The following CNNM2 variants were observed in gnomAD, a reference collection of about 807,000 sequenced individuals.
CNNM2 encodes the protein cyclin and CBS domain divalent metal cation transport mediator 2, also known as metal transporter CNNM2.
A neutral mutation model predicts 66.9 loss-of-function variants in CNNM2; 12 were observed. The ratio of observed to expected loss-of-function variants is 0.18; its 90% CI spans 0.11 to 0.29. The LOEUF (loss-of-function observed/expected upper bound fraction) is 0.29, where lower values mean the gene tolerates loss of function less well. Among genes scored for constraint, CNNM2 ranks in the 10% least tolerant of loss-of-function variants. The pLI is 1.00. For synonymous variants in CNNM2, 557 were observed against 501.8 expected, an observed-to-expected ratio of 1.11 and a Z score of -1.47; for missense variants, 705 against 1,167.7, an observed-to-expected ratio of 0.60 and a Z score of 5.77.
Position 102,958,158 on chromosome 10 carries a change from A to ACTCCCGAC in CNNM2, c.1621+38061_1621+38068dup, listed in dbSNP as rs1477525384. On this transcript the variant is annotated intron_variant, in intron 1 of 7. Transcript: ENST00000369878. The stretch of plus-strand genomic sequence containing the variant: ...TCCATGTTGGTCAGGCTGATCTCGA[A>ACTCCCGAC]CTCCCGACCTCAGGTGATCCGCCCG... 4.0e-5 allele frequency among the ~76,000 whole-genome samples: 6 copies of ACTCCCGAC among 151,838 alleles called. No individual in the cohort carries two copies. In the South Asian group the frequency reaches 1.0e-3, roughly 26 times the overall value.
In CNNM2 at chr10:102,919,943, G is replaced by T; in HGVS notation, c.1463G>T (p.Arg488Leu). The change falls in exon 1 of 8, where the codon CGC becomes CTC. Residue 488 changes from arginine (R) to leucine (L), a missense_variant. Transcript: ENST00000369878. ...CGCATTCCAGTGTTTGAAGGGGAGC[G>T]CTCCAATATCGTGGACCTGCTGTTT... ...YTRIPVFEGE[R>L]SNIVDLLFVK... 1 of 1,614,186 alleles carries T rather than the reference G, an allele frequency of 6.2e-7. No homozygotes were observed. Among genetic ancestry groups the T allele is most frequent in the Non-Finnish European group, 8.5e-7 (1 of 1,180,052 alleles).
rs758321724 is a variant in CNNM2, at chr10:103,086,725, G to C, written c.*9545G>C. ...AAAAACGACTTCTAAAAGTATCTTAGGGTAGCTTGAAGGGTTTGCGTTATT... is the reference window on the plus strand; with the variant it reads ...AAAAACGACTTCTAAAAGTATCTTACGGTAGCTTGAAGGGTTTGCGTTATT... On this transcript the variant is annotated 3_prime_UTR_variant, in exon 8 of 8. Coordinates refer to ENST00000369878, the MANE Select transcript of CNNM2 (RefSeq NM_017649.5). 2.6e-5 allele frequency: 4 copies of C among 152,324 alleles called. No homozygotes were observed. The highest frequency in any genetic ancestry group is 4.8e-5 in the African/African-American group (2 of 41,552). The allele number at this position is 152,324 out of a possible 1,614,324, so 9.4% of individuals were successfully genotyped here.
Position 102,995,498 on chromosome 10 carries a change from C to A in CNNM2, c.1622-54209C>A, listed in dbSNP as rs560945009. Among the ~76,000 whole-genome samples, 29 of 151,930 alleles carry A rather than the reference C, an allele frequency of 1.9e-4. No individual in the cohort carries two copies. The South Asian group carries it at 6.0e-3, about 32-fold the overall frequency. ...AACGTGCTGGGATTACAGGTGTGAG[C>A]CACACCTGTCCTTTCTCTTTCTTGC... On this transcript the variant is annotated intron_variant, in intron 1 of 7. Transcript: ENST00000369878.
chr10:103,050,659 G>A (rs1328450015), intron 2 of CNNM2, among the ~76,000 whole-genome samples: 1 of 152,278 alleles, frequency 6.6e-6, no homozygotes, highest in East Asian at 1.9e-4. Flanking sequence ...GCTTGCTGGG[G>A]CAGTGGGTCG....
chr10:102,927,199 A>T, intron 1 of CNNM2: 1 of 979,026 alleles, frequency 1.0e-6, no homozygotes, highest in Non-Finnish European at 1.5e-6. Flanking sequence ...GTGTATGTAT[A>T]TGTTATTGAC....
chr10:102,983,582 G>A (rs1387201901), intron 1 of CNNM2, among the ~76,000 whole-genome samples: 3 of 151,612 alleles, frequency 2.0e-5, no homozygotes, highest in Non-Finnish European at 4.4e-5. Flanking sequence ...GGGATCGTAG[G>A]TGCACACCAC....
chr10:103,066,238 C>G (rs1247168145), intron 4 of CNNM2, among the ~76,000 whole-genome samples: 1 of 152,050 alleles, frequency 6.6e-6, no homozygotes, highest in African/African-American at 2.4e-5. Context: ...TGCTCTCAGT[C>G]ACGGGCTGAG....
Position 103,089,904 on chromosome 10 carries a change from G to C in CNNM2, c.*12724G>C. ...TGTGTGCTCCACCGTTGATTCATGA[G>C]GCATCTAGACAGAAAAAAGCTAGAG... On this transcript the variant is annotated 3_prime_UTR_variant, in exon 8 of 8. Transcript: ENST00000369878. 2 of 1,597,786 alleles carry C rather than the reference G, an allele frequency of 1.3e-6. No individual in the cohort carries two copies. Among genetic ancestry groups the C allele is most frequent in the Non-Finnish European group, 1.7e-6 (2 of 1,171,074 alleles).
chr10:103,022,636 C>T (rs1243761954), intron 1 of CNNM2, among the ~76,000 whole-genome samples: 3 of 152,218 alleles, frequency 2.0e-5, no homozygotes, highest in African/African-American at 7.2e-5. Flanking sequence ...CATCACACCA[C>T]CTTCTGGGTC....
intron 2 of CNNM2, among the ~76,000 whole-genome samples, chr10:103,051,320 A>G (rs1288468435): frequency 6.6e-6 from 1 of 152,112 alleles, no homozygotes. Context: ...AGTCTCAGCT[A>G]CTTGGGAGGC....
intron 4 of CNNM2, among the ~76,000 whole-genome samples, chr10:103,068,253 C>T (rs1050992421): frequency 1.3e-5 from 2 of 152,178 alleles, no homozygotes; most frequent in Non-Finnish European, 2.9e-5. Flanking sequence ...CCTGTAATCC[C>T]TTTGGGAGCA....
chr10:102,977,175 CTTA>C (rs1481359248), intron 1 of CNNM2, among the ~76,000 whole-genome samples: 3 of 152,218 alleles, frequency 2.0e-5, no homozygotes, highest in East Asian at 3.9e-4. Context: ...GTGACAAGCT[CTTA>C]TTATTTACTC....
chr10:102,928,675 C>T (rs549710835), intron 1 of CNNM2, among the ~76,000 whole-genome samples: 32 of 152,110 alleles, frequency 2.1e-4, no homozygotes, highest in South Asian at 1.2e-3. Context: ...TGAGAGCCTT[C>T]ATATGGCATC....
intron 1 of CNNM2, among the ~76,000 whole-genome samples, chr10:102,936,640 C>T (rs899399188): frequency 1.3e-5 from 2 of 151,388 alleles, no homozygotes; most frequent in Non-Finnish European, 2.9e-5. Flanking sequence ...GGACCATCTT[C>T]TGCTTAGTTT....
At chr10:102,947,708 G>A (rs151332490) in intron 1 of CNNM2, among the ~76,000 whole-genome samples, 1,836 of 150,858 alleles carry the variant, frequency 0.012, 13 homozygotes, top group Middle Eastern at 0.029. Flanking sequence ...CTGAGTTTGC[G>A]CCACTGCACT....
chr10:102,992,115 T>C (rs1451451854), intron 1 of CNNM2, among the ~76,000 whole-genome samples: 1 of 152,094 alleles, frequency 6.6e-6, no homozygotes, highest in Non-Finnish European at 1.5e-5. Context: ...GCAAATAATC[T>C]TTTGAGTATA....
chr10:103,010,823 G>T (rs1342992916), intron 1 of CNNM2, among the ~76,000 whole-genome samples: 10 of 152,060 alleles, frequency 6.6e-5, no homozygotes, highest in African/African-American at 1.9e-4. Context: ...ATGTTGGCCA[G>T]CCTGGTCTTG....
chr10:102,999,039 G>A (rs1007405068), intron 1 of CNNM2, among the ~76,000 whole-genome samples: 1 of 151,400 alleles, frequency 6.6e-6, no homozygotes, highest in Non-Finnish European at 1.5e-5. Flanking sequence ...CGAGTAGCTG[G>A]GATTACAGGC....
At chr10:102,950,926 T>G (rs183936846) in intron 1 of CNNM2, among the ~76,000 whole-genome samples, 1 of 151,978 alleles carries the variant, frequency 6.6e-6, no homozygotes, top group Non-Finnish European at 1.5e-5. Context: ...TATATATATT[T>G]TTCCCTTTCT....
Sources: gnomAD v4.1 joint callset for allele counts (sites outside exome capture counted in the v4.1 genomes callset) on GRCh38, gnomAD v4.1.1 for gene constraint, MANE v1.5 for transcripts, NCBI Gene and HGNC (gene_info 2026-07-23, HGNC 2026-07-21) for gene names.